NHS: variants seen among roughly 807,000 people sequenced by gnomAD.
NHS encodes the protein NHS actin remodeling regulator.
In NHS, 5 loss-of-function variants were observed where a neutral mutation model predicts 72.5. The observed-to-expected ratio is 0.07, with a 90% CI of 0.04 to 0.14. NHS has a LOEUF of 0.14. Ranked by LOEUF, NHS falls within the 10% of genes least tolerant of loss-of-function variation. NHS has a pLI of 1.00. For synonymous variants in NHS, 464 were observed against 547.7 expected (o/e 0.85, Z 2.13); for missense variants, 1,072 against 1,355.7 (o/e 0.79, Z 3.29).
chrX:17,417,091 T>TACACACACACACAC (rs753132773), intron 1 of NHS, among the ~76,000 whole-genome samples: 19 of 98,031 alleles, frequency 1.9e-4, no homozygotes, highest in African/African-American at 6.6e-4. Flanking sequence ...GAAAACAGAA[T>TACACACACACACAC]ACACACACAC....
intron 1 of NHS, among the ~76,000 whole-genome samples, chrX:17,451,608 G>C (rs1569257386): frequency 8.9e-6 from 1 of 111,969 alleles, no homozygotes; most frequent in Non-Finnish European, 1.9e-5. Context: ...TACTAATAAG[G>C]GGGAAGAGCA....
At chrX:17,413,122 T>C (rs2064570471) in intron 1 of NHS, among the ~76,000 whole-genome samples, 1 of 112,374 alleles carries the variant, frequency 8.9e-6, no homozygotes, top group African/African-American at 3.2e-5. Flanking sequence ...TGTGTGTGTG[T>C]GCGTGCACAC....
chrX:17,718,242 C>G (rs2066376317), intron 3 of NHS, among the ~76,000 whole-genome samples: 1 of 105,520 alleles, frequency 9.5e-6, no homozygotes, highest in Non-Finnish European at 1.9e-5. Context: ...GTGGTGGAGG[C>G]AGGATTTGAA....
chrX:17,579,640 A>G (rs923715237), intron 1 of NHS, among the ~76,000 whole-genome samples: 1 of 111,552 alleles, frequency 9.0e-6, no homozygotes, highest in African/African-American at 3.3e-5. Context: ...GGCATAGCGG[A>G]TCCAGACGGA....
intron 1 of NHS, among the ~76,000 whole-genome samples, chrX:17,618,929 A>T (rs866228406): frequency 1.2e-4 from 13 of 112,354 alleles, no homozygotes; most frequent in African/African-American, 4.2e-4. Context: ...AATACTACAG[A>T]TCTATTTTCA....
chrX:17,379,092 G>A (rs182290126), intron 1 of NHS, among the ~76,000 whole-genome samples: 1 of 110,364 alleles, frequency 9.1e-6, no homozygotes, highest in Non-Finnish European at 1.9e-5. Flanking sequence ...CTTTGAGAGT[G>A]CCTTCACACC....
chrX:17,471,864 C>A (rs2064893776), intron 1 of NHS, among the ~76,000 whole-genome samples: 1 of 111,475 alleles, frequency 9.0e-6, no homozygotes, highest in Non-Finnish European at 1.9e-5. Flanking sequence ...CAAGGAGAAT[C>A]TCTGTGCATG....
rs763739959 is a variant in NHS at position 17,504,981 on chromosome X, C to A, written c.565+128659C>A. On this transcript the variant is annotated intron_variant, in intron 1 of 8. Coordinates refer to ENST00000676302, the MANE Select transcript of NHS (RefSeq NM_001291867.2). ...ACACTGCTAACAGGTTCATGTGTAT[C>A]ATTTCAGAAAGGTTTTATTCAACTA... is the stretch of plus-strand genomic sequence containing the variant. 1.4e-4 allele frequency among the ~76,000 whole-genome samples: 16 copies of A among 111,349 alleles called. No individual in the cohort carries two copies. The South Asian group carries it at 6.0e-3, about 42-fold the overall frequency.
At chrX:17,586,949 T>A (rs2065579234) in intron 1 of NHS, 1 of 112,229 alleles carries the variant, frequency 8.9e-6, no homozygotes, top group Non-Finnish European at 1.9e-5. Flanking sequence ...TATAGTCACC[T>A]AGGTTTTTCA....
chrX:17,732,625 A>T lies in NHS; in HGVS notation c.*161A>T. 1 of 771,538 alleles carries T rather than the reference A, an allele frequency of 1.3e-6. No individual in the cohort carries two copies. The highest frequency in any genetic ancestry group is 1.9e-6 in the Non-Finnish European group (1 of 523,837). 63.6% of individuals were successfully genotyped at this position (771,538 alleles called of 1,213,427 possible). On this transcript the variant is annotated 3_prime_UTR_variant, in exon 9 of 9. Transcript: ENST00000676302. ...TACAGTATGTGCTGGGTAAACAGAA[A>T]GTGGTTTAGACATTCTTGATTAGTT...
At chrX:17,566,772 G>A (rs1372433541) in intron 1 of NHS, among the ~76,000 whole-genome samples, 3 of 110,025 alleles carry the variant, frequency 2.7e-5, no homozygotes, top group African/African-American at 6.6e-5. Context: ...TACAGCTTGT[G>A]ATTATGGAAG....
chrX:17,732,088 G>A lies in NHS; in HGVS notation c.4580G>A (p.Arg1527His). Residue 1527 changes from arginine (R) to histidine (H), a missense_variant, in exon 9 of 9, where the codon CGC becomes CAC. Transcript: ENST00000676302. Reference sequence around the variant, plus strand: ...CTGTTACTGCTCAAGAAAGGCAGTCGCTCAGATTCTAGTTACCGCATGTCT... The same window carrying A: ...CTGTTACTGCTCAAGAAAGGCAGTCACTCAGATTCTAGTTACCGCATGTCT... ...FKLLLLKKGS[R>H]SDSSYRMSAT... The A allele has an allele frequency of 8.3e-7, 1 of 1,211,490 alleles. No homozygotes were observed. The highest frequency in any genetic ancestry group is 1.1e-6 in the Non-Finnish European group (1 of 895,506).
chrX:17,534,455 G>A (rs1225594530), intron 1 of NHS, among the ~76,000 whole-genome samples: 1 of 110,829 alleles, frequency 9.0e-6, no homozygotes, highest in Non-Finnish European at 1.9e-5. Context: ...GGATTTTTGT[G>A]TTGCTGTAGC....
intron 1 of NHS, among the ~76,000 whole-genome samples, chrX:17,612,507 A>G (rs1267972991): frequency 9.0e-6 from 1 of 110,867 alleles, no homozygotes; most frequent in African/African-American, 3.3e-5. Flanking sequence ...CTACTGCCCT[A>G]CTGCCCCCCA....
intron 1 of NHS, chrX:17,552,352 A>G (rs1338123591): frequency 1.8e-5 from 2 of 112,272 alleles, no homozygotes; most frequent in Admixed American, 1.9e-4. Flanking sequence ...GCAGGAGGGC[A>G]TTAAACAAAA....
intron 1 of NHS, among the ~76,000 whole-genome samples, chrX:17,642,292 G>C (rs926399917): frequency 1.8e-5 from 2 of 112,138 alleles, no homozygotes; most frequent in South Asian, 7.4e-4. Flanking sequence ...AAATCTCATA[G>C]GCTTGTTGTG....
intron 1 of NHS, among the ~76,000 whole-genome samples, chrX:17,421,063 C>T (rs1287648443): frequency 9.1e-6 from 1 of 109,503 alleles, no homozygotes; most frequent in African/African-American, 3.4e-5. Context: ...AAAGTACTTG[C>T]CATCTTTTTT....
chrX:17,675,987 T>G (rs189353770), intron 1 of NHS, among the ~76,000 whole-genome samples: 7 of 111,465 alleles, frequency 6.3e-5, no homozygotes, highest in African/African-American at 2.0e-4. Flanking sequence ...TCATCACTTA[T>G]GCTCTCTAAG....
intron 1 of NHS, among the ~76,000 whole-genome samples, chrX:17,642,629 T>A (rs2065887497): frequency 8.9e-6 from 1 of 112,119 alleles, no homozygotes; most frequent in Admixed American, 9.5e-5. Context: ...AGATTTTTTT[T>A]AACCCCGCTC....
Sources: allele counts gnomAD v4.1 joint callset (sites outside exome capture counted in the v4.1 genomes callset), GRCh38; gene constraint gnomAD v4.1.1; transcripts MANE v1.5; gene names NCBI Gene and HGNC (gene_info 2026-07-23, HGNC 2026-07-21).